The following DNAH11 variants were observed in gnomAD, a reference collection of about 807,000 sequenced individuals.
DNAH11 encodes dynein axonemal heavy chain 11, also known as axonemal beta dynein heavy chain 11.
Under a neutral mutation model 526.0 loss-of-function variants are expected in DNAH11, and 442 were observed. That is an observed-to-expected ratio of 0.84 (90% CI 0.78 to 0.91). The LOEUF (loss-of-function observed/expected upper bound fraction) is 0.91, where lower values mean the gene tolerates loss of function less well. DNAH11 is among the 40% of genes least tolerant of loss of function. DNAH11 has a pLI of 0.00. For missense variants in DNAH11, 6,989 were observed against 5,448.7 expected (o/e 1.28, Z -8.90); for synonymous variants, 2,461 against 1,935.9 (o/e 1.27, Z -7.12).
chr7:21,745,841 A>G (rs1479731723), intron 51 of DNAH11, among the ~76,000 whole-genome samples: 2 of 152,240 alleles, frequency 1.3e-5, no homozygotes, highest in African/African-American at 4.8e-5. Context: ...GGTGACATTT[A>G]AAGCGAGACC....
chr7:21,806,178 T>C (rs900946160), intron 62 of DNAH11, among the ~76,000 whole-genome samples: 1 of 152,236 alleles, frequency 6.6e-6, no homozygotes, highest in Non-Finnish European at 1.5e-5. Flanking sequence ...ATGGATACTA[T>C]AGCAAAATTA....
At chr7:21,897,010 G>A (rs1583823265) in intron 79 of DNAH11, among the ~76,000 whole-genome samples, 1 of 152,208 alleles carries the variant, frequency 6.6e-6, no homozygotes, top group Non-Finnish European at 1.5e-5. Flanking sequence ...AAGAGGTCAA[G>A]GGTGCAATGA....
chr7:21,676,317 C>G (rs1037541577), intron 30 of DNAH11, among the ~76,000 whole-genome samples: 2 of 152,056 alleles, frequency 1.3e-5, no homozygotes, highest in Non-Finnish European at 2.9e-5. Context: ...CGATCAGTGG[C>G]AAGAATATGT....
At chr7:21,892,385 C>A in intron 76 of DNAH11, 40 bp from the exon 77 acceptor site, 1 of 1,577,914 alleles carries the variant, frequency 6.3e-7, no homozygotes, top group Non-Finnish European at 8.6e-7. Context: ...TGGATGCCTA[C>A]CTACATTTGG....
intron 68 of DNAH11, among the ~76,000 whole-genome samples, chr7:21,856,110 G>A (rs911367034): frequency 6.6e-6 from 1 of 152,150 alleles, no homozygotes; most frequent in African/African-American, 2.4e-5. Context: ...AAGGGGAAAG[G>A]TAGCAAGAAA....
At chr7:21,629,031 A>G (rs1786477509) in intron 25 of DNAH11, among the ~76,000 whole-genome samples, 2 of 151,936 alleles carry the variant, frequency 1.3e-5, no homozygotes, top group Non-Finnish European at 2.9e-5. Context: ...TTTTTGATAT[A>G]TGTGCTTATT....
chr7:21,677,993 G>T (rs914875290), intron 30 of DNAH11, among the ~76,000 whole-genome samples: 3 of 151,960 alleles, frequency 2.0e-5, no homozygotes, highest in Non-Finnish European at 4.4e-5. Flanking sequence ...TATATTGTTT[G>T]TAAATATTTT....
chr7:21,860,895 A>G (rs1180421884), intron 68 of DNAH11, among the ~76,000 whole-genome samples: 3 of 152,204 alleles, frequency 2.0e-5, no homozygotes, highest in Non-Finnish European at 2.9e-5. Context: ...ATGAGAGCCA[A>G]GTGAAAGAGA....
intron 32 of DNAH11, among the ~76,000 whole-genome samples, chr7:21,684,839 A>G (rs1161002619): frequency 6.6e-6 from 1 of 152,250 alleles, no homozygotes; most frequent in Non-Finnish European, 1.5e-5. Flanking sequence ...CTTTGTTAGT[A>G]TTCCAATCTC....
At chr7:21,688,127 G>T (rs891430366) in intron 34 of DNAH11, among the ~76,000 whole-genome samples, 3 of 152,066 alleles carry the variant, frequency 2.0e-5, no homozygotes, top group East Asian at 1.9e-4. Flanking sequence ...CATCTTTCTT[G>T]ACCTCTGGCA....
intron 36 of DNAH11, among the ~76,000 whole-genome samples, chr7:21,698,943 A>T (rs1419838571): frequency 6.6e-6 from 1 of 152,086 alleles, no homozygotes; most frequent in Non-Finnish European, 1.5e-5. Context: ...AACTTATTTT[A>T]TAATTTTTAT....
At position 21,565,187 on chromosome 7, in the gene DNAH11, G is replaced by C. The variant is rs945404254; in HGVS notation, c.1194+790G>C. Among the ~76,000 whole-genome samples the C allele has an allele frequency of 7.2e-5, 11 of 152,324 alleles. 1 individual carries two copies. Among genetic ancestry groups the C allele is most frequent in the Middle Eastern group, 3.4e-3 (1 of 294 alleles). ...TCAGATGAGGGTGCCAGCGTGCTCA[G>C]ATTCTGGTGGGGGCCCTCTTCCTGG... On this transcript the variant is annotated intron_variant, in intron 6 of 81. Transcript: ENST00000409508.
intron 21 of DNAH11, among the ~76,000 whole-genome samples, chr7:21,615,919 T>A (rs549421214): frequency 1.7e-4 from 26 of 152,346 alleles, no homozygotes; most frequent in Admixed American, 1.6e-3. Flanking sequence ...AATCTACTTA[T>A]CAATTTATTC....
At chr7:21,714,764 C>A (rs375700852) in intron 42 of DNAH11, among the ~76,000 whole-genome samples, 2 of 152,174 alleles carry the variant, frequency 1.3e-5, no homozygotes, top group African/African-American at 4.8e-5. Flanking sequence ...CTTTCTCTCT[C>A]TCTCTTTCTC....
chr7:21,606,762 C>CATTAAA, intron 20 of DNAH11, 29 bp downstream of exon 20: 1 of 1,531,224 alleles, frequency 6.5e-7, no homozygotes, highest in Non-Finnish European at 8.9e-7. Context: ...ATCCTGTGTG[C>CATTAAA]ATTAAAATAG....
intron 65 of DNAH11, among the ~76,000 whole-genome samples, chr7:21,822,991 G>T (rs1018374105): frequency 3.0e-5 from 3 of 99,854 alleles, no homozygotes; most frequent in Admixed American, 1.1e-4. Context: ...TTTTGCTATC[G>T]GGTTGAGTTC....
Position 21,892,504 on chromosome 7 carries a change from A to G in DNAH11, c.12587A>G (p.Glu4196Gly). Residue 4196 changes from glutamate (E) to glycine (G), a missense_variant, in exon 77 of 82, where the codon GAG (glutamate) becomes GGG (glycine). By Grantham distance (98) the Glu-to-Gly change is moderately conservative (BLOSUM62 -2). Coordinates refer to ENST00000409508, the MANE Select transcript of DNAH11 (RefSeq NM_001277115.2). Reference sequence around the variant, plus strand: ...TATGCAGGCTACCACCAGTACATAGAGGAGATGCTTCCTCCAGAAAGCCCG... The same window carrying G: ...TATGCAGGCTACCACCAGTACATAGGGGAGATGCTTCCTCCAGAAAGCCCG... ...LDYAGYHQYI[E>G]EMLPPESPAL... 6.2e-7 allele frequency: 1 copy of G among 1,613,934 alleles called. No individual in the cohort carries two copies.
chr7:21,652,849 G>A (rs1002062706), intron 28 of DNAH11, among the ~76,000 whole-genome samples: 5 of 151,638 alleles, frequency 3.3e-5, no homozygotes, highest in African/African-American at 4.8e-5. Context: ...AGGGGCCTAC[G>A]AAGTATTAGT....
At chr7:21,654,511 G>T (rs6957625) in intron 28 of DNAH11, among the ~76,000 whole-genome samples, 12 of 151,888 alleles carry the variant, frequency 7.9e-5, no homozygotes, top group Non-Finnish European at 1.5e-4. Flanking sequence ...GGTTGTTTCC[G>T]CCTTTTGGCT....
Sources: gnomAD v4.1 joint callset for allele counts (sites outside exome capture counted in the v4.1 genomes callset) on GRCh38, gnomAD v4.1.1 for gene constraint, MANE v1.5 for transcripts, NCBI Gene and HGNC (gene_info 2026-07-23, HGNC 2026-07-21) for gene names.